The following SLC1A6 variants were observed in gnomAD, a reference collection of about 807,000 sequenced individuals.
SLC1A6 encodes the protein solute carrier family 1 member 6.
In SLC1A6, 15 loss-of-function variants were observed where a neutral mutation model predicts 42.1. The ratio of observed to expected loss-of-function variants is 0.36; its 90% CI spans 0.24 to 0.55. SLC1A6 has a LOEUF of 0.55. SLC1A6 is among the 20% of genes least tolerant of loss of function. The pLI, the probability that SLC1A6 is intolerant of heterozygous loss-of-function variation, is 0.88. For missense variants in SLC1A6, 542 were observed against 772.5 expected (o/e 0.70, Z 3.54); for synonymous variants, 317 against 319.7 (o/e 0.99, Z 0.09).
At chr19:14,999,513 G>A (rs2045863147) in intron 1 of SLC1A6, among the ~76,000 whole-genome samples, 1 of 152,152 alleles carries the variant, frequency 6.6e-6, no homozygotes, top group African/African-American at 2.4e-5. Flanking sequence ...ATGTCATCAG[G>A]ACCTCTCCTG....
intron 3 of SLC1A6, 84 bp downstream of exon 3, chr19:14,971,653 C>T: frequency 7.2e-7 from 1 of 1,379,636 alleles, no homozygotes; most frequent in Non-Finnish European, 1.0e-6. Context: ...GAAGTGGTCC[C>T]ATGCTTGGGA....
intron 5 of SLC1A6, among the ~76,000 whole-genome samples, chr19:14,962,629 C>T (rs115299759): frequency 2.6e-5 from 4 of 152,210 alleles, no homozygotes; most frequent in African/African-American, 4.8e-5. Context: ...AACTACCGGC[C>T]GGGCATGGCT....
intron 1 of SLC1A6, among the ~76,000 whole-genome samples, chr19:15,007,643 G>T (rs554146929): frequency 2.0e-5 from 3 of 152,224 alleles, no homozygotes; most frequent in South Asian, 4.1e-4. Context: ...TATGTGCTAT[G>T]AACTATACAG....
intron 1 of SLC1A6, among the ~76,000 whole-genome samples, chr19:14,994,853 G>A (rs1418586625): frequency 2.0e-5 from 3 of 151,428 alleles, no homozygotes; most frequent in Non-Finnish European, 4.4e-5. Flanking sequence ...AGGTAGTAAA[G>A]TATAATCACA....
At position 14,956,441 on chromosome 19, in the gene SLC1A6, C is replaced by A. The variant is rs1409402952; in HGVS notation, c.1169+35G>T. On this transcript the variant is annotated intron_variant, in intron 7 of 9. Transcript: ENST00000594383. ...GGACATGAAGGACAAGAAGTGCAAC[C>A]AGGAATGGTGCTGGGGTGGGGAGCA... 3.5e-6 allele frequency: 5 copies of A among 1,415,660 alleles called. No individual in the cohort carries two copies. In the South Asian group the frequency reaches 6.8e-5, roughly 19 times the overall value. 87.7% of individuals were successfully genotyped at this position (1,415,660 alleles called of 1,614,324 possible).
At chr19:14,995,339 A>G (rs2045840125) in intron 1 of SLC1A6, among the ~76,000 whole-genome samples, 1 of 100,946 alleles carries the variant, frequency 9.9e-6, no homozygotes, top group Admixed American at 1.1e-4. Context: ...AAAAAAAAAA[A>G]AAAAAGAAAG....
At chr19:15,010,584 C>A (rs977593273) in exon 1 of SLC1A6, 7 of 650,384 alleles carry the variant, frequency 1.1e-5, no homozygotes, top group Admixed American at 2.4e-5. Context: ...GAGAAGGATG[C>A]TAGATGGGCT....
intron 1 of SLC1A6, among the ~76,000 whole-genome samples, chr19:15,003,754 G>T (rs77090254): frequency 6.6e-6 from 1 of 151,634 alleles, no homozygotes; most frequent in Non-Finnish European, 1.5e-5. Context: ...ACTCGATTTC[G>T]CCCAAAAGCA....
Position 14,972,876 on chromosome 19 carries a change from T to A in SLC1A6, c.35A>T (p.Glu12Val). The A allele has an allele frequency of 6.2e-7, 1 of 1,601,756 alleles. No individual in the cohort carries two copies. Among genetic ancestry groups the A allele is most frequent in the Non-Finnish European group, 8.5e-7 (1 of 1,174,884 alleles). ...CACCCGGCCCAGCCGCTGGCCGCTC[T>A]CCCGCAGGAACAGGCTGTTGCCATG... ...SSHGNSLFLRESGQRLGRVGW... is the reference protein window; with the variant it reads ...SSHGNSLFLRVSGQRLGRVGW... The change falls in exon 2 of 10, where the codon GAG becomes GTG. Residue 12 changes from glutamate to valine, a missense_variant. Transcript: ENST00000594383.
At chr19:14,975,879 GGGAA>G (rs1220224590) in intron 1 of SLC1A6, among the ~76,000 whole-genome samples, 13 of 53,480 alleles carry the variant, frequency 2.4e-4, no homozygotes, top group East Asian at 1.4e-3. Flanking sequence ...GGAAAGGGAA[GGGAA>G]GGGAAGGGAA....
intron 1 of SLC1A6, among the ~76,000 whole-genome samples, chr19:14,997,104 A>C (rs1449938737): frequency 6.6e-6 from 1 of 152,304 alleles, no homozygotes; most frequent in Admixed American, 6.5e-5. Flanking sequence ...CTCACAAGGA[A>C]TTTCCTTGCA....
At chr19:14,975,739 C>A in intron 1 of SLC1A6, among the ~76,000 whole-genome samples, 2 of 126,986 alleles carry the variant, frequency 1.6e-5, no homozygotes, top group Admixed American at 9.0e-5. Flanking sequence ...GGTGACAAAG[C>A]CAGACTTTGT....
rs1456186692 is a variant in SLC1A6, at chr19:15,008,839, T to C, written c.6+1646A>G. 1.5e-4 allele frequency among the ~76,000 whole-genome samples: 15 copies of C among 100,426 alleles called. No homozygotes were observed. In the East Asian group the frequency reaches 3.3e-3, roughly 22 times the overall value. The allele number at this position is 100,426 out of a possible 152,430, so 65.9% of individuals were successfully genotyped here. A position where few individuals can be genotyped will look rare whatever the true frequency, so the allele number is the denominator to read the frequency against. On this transcript the variant is annotated intron_variant, in intron 1 of 8. Coordinates refer to the SLC1A6 transcript ENST00000430939. The stretch of plus-strand genomic sequence containing the variant: ...ACCTCCACTAAAAAAACAAAAATAA[T>C]TCGCGTTTTTTTTTTTTTTACAGGC...
chr19:15,001,134 A>G (rs1045289749), intron 1 of SLC1A6, among the ~76,000 whole-genome samples: 14 of 151,498 alleles, frequency 9.2e-5, no homozygotes, highest in Admixed American at 7.3e-4. Context: ...GCGAACAAAT[A>G]TTAAGGGTCT....
chr19:15,008,840 T>A (rs2045909221), intron 1 of SLC1A6, among the ~76,000 whole-genome samples: 2 of 100,626 alleles, frequency 2.0e-5, no homozygotes, highest in Non-Finnish European at 3.8e-5. Context: ...CAAAAATAAT[T>A]CGCGTTTTTT....
chr19:14,978,035 G>A (rs1449574366), intron 1 of SLC1A6: 1 of 152,162 alleles, frequency 6.6e-6, no homozygotes, highest in Non-Finnish European at 1.5e-5. Context: ...CTCCACTTGG[G>A]CCTCTCTGGG....
intron 9 of SLC1A6, among the ~76,000 whole-genome samples, chr19:14,952,486 G>A (rs919687664): frequency 2.6e-5 from 4 of 151,468 alleles, no homozygotes; most frequent in Non-Finnish European, 4.4e-5. Context: ...AACCCAGGAG[G>A]CAATCTCATC....
At chr19:15,009,117 C>CAT (rs1348327971) in intron 1 of SLC1A6, among the ~76,000 whole-genome samples, 1 of 120,616 alleles carries the variant, frequency 8.3e-6, no homozygotes, top group Non-Finnish European at 1.7e-5. Flanking sequence ...GCATATCTAT[C>CAT]ATATATCTAG....
chr19:14,990,401 T>C (rs2045813612), intron 1 of SLC1A6, among the ~76,000 whole-genome samples: 2 of 152,132 alleles, frequency 1.3e-5, no homozygotes, highest in Non-Finnish European at 2.9e-5. Context: ...GAGAATAAAA[T>C]GATGATTACC....
Sources: gnomAD v4.1 joint callset for allele counts (sites outside exome capture counted in the v4.1 genomes callset) on GRCh38, gnomAD v4.1.1 for gene constraint, MANE v1.5 for transcripts, NCBI Gene and HGNC (gene_info 2026-07-23, HGNC 2026-07-21) for gene names.